Variants in MMD2 observed in about 807,000 individuals in gnomAD.
MMD2 encodes monocyte to macrophage differentiation associated 2, also known as monocyte to macrophage differentiation factor 2.
In MMD2, 30 loss-of-function variants were observed where a neutral mutation model predicts 33.5. The observed-to-expected ratio is 0.90, with a 90% CI of 0.67 to 1.22. MMD2 has a LOEUF of 1.22. Among genes scored for constraint, MMD2 ranks in the 50% most tolerant of loss-of-function variants. The probability of loss-of-function intolerance (pLI) is 0.00; values close to 1 mark genes in which losing one functional copy is unlikely to be tolerated. For missense variants in MMD2, 364 were observed against 325.4 expected, an observed-to-expected ratio of 1.12 and a Z score of -0.91; for synonymous variants, 129 against 123.0, an observed-to-expected ratio of 1.05 and a Z score of -0.32.
intron 4 of MMD2, among the ~76,000 whole-genome samples, chr7:4,912,558 T>C (rs941229914): frequency 3.4e-5 from 5 of 147,566 alleles, no homozygotes; most frequent in Admixed American, 1.4e-4. Flanking sequence ...CAAGACTCTG[T>C]CTCAAAAAAA....
downstream of MMD2, among the ~76,000 whole-genome samples, chr7:4,904,560 G>A (rs963661747): frequency 6.6e-6 from 1 of 152,140 alleles, no homozygotes; most frequent in Admixed American, 6.5e-5. Context: ...CATTCCTTTG[G>A]CTGACACCCC....
intron 1 of MMD2, among the ~76,000 whole-genome samples, chr7:4,927,409 G>C (rs974368785): frequency 1.3e-5 from 2 of 152,090 alleles, no homozygotes; most frequent in African/African-American, 4.8e-5. Flanking sequence ...GCTGGGAGTG[G>C]TGGCATGTGC....
chr7:4,892,604 A>AAATAAAT, the MMD2 span, among the ~76,000 whole-genome samples: 2 of 149,244 alleles, frequency 1.3e-5, no homozygotes, highest in African/African-American at 4.9e-5. Flanking sequence ...ATAAATAAAT[A>AAATAAAT]AATAAATAAA....
intron 1 of MMD2, among the ~76,000 whole-genome samples, chr7:4,927,719 CCAAAA>C (rs1363913482): frequency 1.3e-5 from 2 of 152,056 alleles, no homozygotes; most frequent in Non-Finnish European, 2.9e-5. Flanking sequence ...AAAAACCAAA[CCAAAA>C]CAAAACAAAC....
chr7:4,955,922 G>A (rs561402784), intron 1 of MMD2, among the ~76,000 whole-genome samples: 5 of 152,262 alleles, frequency 3.3e-5, no homozygotes, highest in South Asian at 2.1e-4. Context: ...GCGTGGTTGC[G>A]GGCATCTGTA....
At chr7:4,924,685 G>C (rs1402709424) in intron 2 of MMD2, among the ~76,000 whole-genome samples, 1 of 152,198 alleles carries the variant, frequency 6.6e-6, no homozygotes, top group African/African-American at 2.4e-5. Flanking sequence ...TTTCAGCAAG[G>C]CTTGGGAATG....
chr7:4,942,926 T>C (rs1562492622), intron 1 of MMD2, among the ~76,000 whole-genome samples: 1 of 149,872 alleles, frequency 6.7e-6, no homozygotes, highest in Non-Finnish European at 1.5e-5. Context: ...CCATCCTGTC[T>C]ATACTTCTGT....
intron 1 of MMD2, among the ~76,000 whole-genome samples, chr7:4,958,058 G>A (rs529945700): frequency 1.3e-5 from 2 of 152,206 alleles, no homozygotes; most frequent in South Asian, 2.1e-4. Context: ...CACACACCAG[G>A]CCCCTCTGTT....
At chr7:4,948,202 C>T (rs1218563027) in intron 1 of MMD2, among the ~76,000 whole-genome samples, 1 of 152,128 alleles carries the variant, frequency 6.6e-6, no homozygotes, top group Non-Finnish European at 1.5e-5. Flanking sequence ...TATACAAGTG[C>T]TATGAACTGC....
intron 1 of MMD2, among the ~76,000 whole-genome samples, chr7:4,931,375 A>T (rs973466619): frequency 6.7e-6 from 1 of 148,532 alleles, no homozygotes; most frequent in Non-Finnish European, 1.5e-5. Flanking sequence ...CTGGTCTCAA[A>T]CTCCTGACCT....
intron 1 of MMD2, among the ~76,000 whole-genome samples, chr7:4,930,572 A>T (rs1213439388): frequency 6.9e-6 from 1 of 145,926 alleles, no homozygotes; most frequent in Non-Finnish European, 1.5e-5. Context: ...TGAACCTGGG[A>T]GGCGGAGGTT....
chr7:4,946,117 G>T lies in MMD2; in HGVS notation c.47+12854C>A, dbSNP rs150167995. Reference sequence around the variant, plus strand: ...CACACACGCATGCACACGCGCACACGCACGCACACACCTGCACACGCACGC... The same window carrying T: ...CACACACGCATGCACACGCGCACACTCACGCACACACCTGCACACGCACGC... On this transcript the variant is annotated intron_variant, in intron 1 of 6. Coordinates refer to ENST00000401401, the MANE Select transcript of MMD2 (RefSeq NM_198403.4). This position sits in a 1 kb window ranked among gnomAD's most constrained non-coding sequence, Gnocchi z 5.0. Among the ~76,000 whole-genome samples, 1 of 145,486 alleles carries T rather than the reference G, an allele frequency of 6.9e-6. No homozygotes were observed. The highest frequency in any genetic ancestry group is 1.5e-5 in the Non-Finnish European group (1 of 66,098).
At chr7:4,943,004 CTTTTTT>C (rs33983457) in intron 1 of MMD2, among the ~76,000 whole-genome samples, 4 of 85,694 alleles carry the variant, frequency 4.7e-5, no homozygotes, top group Non-Finnish European at 6.7e-5. Context: ...CTGCCCTTTT[CTTTTTT>C]TTTTTTTTTT....
chr7:4,945,185 T>TTTATTCTTCTTCTTCTTCTTCTTCTTC (rs1554273336), intron 1 of MMD2, among the ~76,000 whole-genome samples: 4 of 93,480 alleles, frequency 4.3e-5, no homozygotes, highest in African/African-American at 1.6e-4. Flanking sequence ...CCTCTTCCTC[T>TTTATTCTTCTTCTTCTTCTTCTTCTTC]TTCTTCTTCT....
At chr7:4,913,324 T>C (rs1446886738) in intron 4 of MMD2, among the ~76,000 whole-genome samples, 1 of 152,128 alleles carries the variant, frequency 6.6e-6, no homozygotes, top group Non-Finnish European at 1.5e-5. Context: ...AAGAAGAAAA[T>C]GGACACTTAC....
At chr7:4,903,774 G>A (rs1784825024), downstream of MMD2, among the ~76,000 whole-genome samples, 1 of 152,212 alleles carries the variant, frequency 6.6e-6, no homozygotes. Context: ...CAGGTGCAGA[G>A]GCCAACGAGT....
chr7:4,955,242 T>C (rs1786351947), intron 1 of MMD2, among the ~76,000 whole-genome samples: 1 of 152,198 alleles, frequency 6.6e-6, no homozygotes, highest in African/African-American at 2.4e-5. Context: ...ACCAACACCA[T>C]ACTGTCTTAA....
At chr7:4,954,435 T>A (rs1276475359) in intron 1 of MMD2, among the ~76,000 whole-genome samples, 1 of 152,170 alleles carries the variant, frequency 6.6e-6, no homozygotes, top group African/African-American at 2.4e-5. Context: ...TTTCTTTTTT[T>A]GAGACGGGGT....
At chr7:4,954,066 C>T (rs953139728) in intron 1 of MMD2, among the ~76,000 whole-genome samples, 3 of 151,918 alleles carry the variant, frequency 2.0e-5, no homozygotes, top group Non-Finnish European at 2.9e-5. Context: ...TCCTGGCCTC[C>T]AGAGATCCTC....
Sources: allele counts gnomAD v4.1 joint callset (sites outside exome capture counted in the v4.1 genomes callset), GRCh38; gene constraint gnomAD v4.1.1; non-coding constraint Gnocchi (gnomAD v3.1); transcripts MANE v1.5; gene names NCBI Gene and HGNC (gene_info 2026-07-23, HGNC 2026-07-21).